Variants in TRDN observed in about 807,000 individuals in gnomAD.
TRDN encodes the protein triadin.
TRDN carries 161 observed loss-of-function variants against 149.7 expected under a neutral mutation model. The ratio of observed to expected loss-of-function variants is 1.08; its 90% CI spans 0.95 to 1.23. The LOEUF is 1.23. Ranked by LOEUF, TRDN falls within the 50% of genes most tolerant of loss-of-function variation. The pLI, the probability that TRDN is intolerant of heterozygous loss-of-function variation, is 0.00. For synonymous variants in TRDN, 294 were observed against 250.5 expected (o/e 1.17, Z -1.64); for missense variants, 896 against 823.5 (o/e 1.09, Z -1.08).
At chr6:123,247,963 A>C (rs1267935884) in intron 38 of TRDN, among the ~76,000 whole-genome samples, 1 of 152,092 alleles carries the variant, frequency 6.6e-6, no homozygotes, top group African/African-American at 2.4e-5. Context: ...CAACCACCTG[A>C]TCTTTGACAG....
intron 21 of TRDN, among the ~76,000 whole-genome samples, chr6:123,342,299 G>T (rs994561120): frequency 1.3e-5 from 2 of 151,848 alleles, no homozygotes; most frequent in African/African-American, 2.4e-5. Flanking sequence ...TTGGGGAGAT[G>T]AGATGAACTA....
intron 19 of TRDN, among the ~76,000 whole-genome samples, chr6:123,374,497 T>C (rs1279163761): frequency 6.6e-6 from 1 of 152,172 alleles, no homozygotes; most frequent in Non-Finnish European, 1.5e-5. Context: ...CATGGAAATA[T>C]AAATGGAATT....
intron 1 of TRDN, among the ~76,000 whole-genome samples, chr6:123,588,169 A>G (rs1783600448): frequency 6.6e-6 from 1 of 152,220 alleles, no homozygotes; most frequent in African/African-American, 2.4e-5. Context: ...AATTCTCTAC[A>G]GAATGTAGAT....
chr6:123,273,295 TC>T (rs1332257954), intron 28 of TRDN, 41 bp downstream of exon 28: 1 of 1,085,948 alleles, frequency 9.2e-7, no homozygotes, highest in Admixed American at 3.7e-5. Flanking sequence ...CAATATTTTT[TC>T]GTAAGAAAGT....
At chr6:123,371,257 T>C (rs1250092357) in intron 19 of TRDN, among the ~76,000 whole-genome samples, 1 of 152,306 alleles carries the variant, frequency 6.6e-6, no homozygotes, top group East Asian at 1.9e-4. Context: ...GAATAAATTA[T>C]ATTTTTGTAT....
At chr6:123,579,876 C>T (rs1482804057) in intron 1 of TRDN, among the ~76,000 whole-genome samples, 1 of 152,160 alleles carries the variant, frequency 6.6e-6, no homozygotes, top group Non-Finnish European at 1.5e-5. Flanking sequence ...CTCCCTCACT[C>T]AGCACTTCTC....
intron 1 of TRDN, among the ~76,000 whole-genome samples, chr6:123,627,531 A>C (rs1785742608): frequency 6.6e-6 from 1 of 152,146 alleles, no homozygotes; most frequent in Non-Finnish European, 1.5e-5. Flanking sequence ...AATTTATTGT[A>C]ATTCTTTAGA....
intron 1 of TRDN, among the ~76,000 whole-genome samples, chr6:123,587,330 TC>T (rs1783547561): frequency 6.6e-5 from 10 of 152,096 alleles, no homozygotes; most frequent in Admixed American, 6.5e-4. Flanking sequence ...AAAACGTGTC[TC>T]CTTTGTCTCT....
intron 4 of TRDN, among the ~76,000 whole-genome samples, chr6:123,539,591 A>T (rs1780724810): frequency 6.6e-6 from 1 of 152,206 alleles, no homozygotes; most frequent in African/African-American, 2.4e-5. Flanking sequence ...TGTTGCATTC[A>T]TTCAAGCTTA....
intron 1 of TRDN, among the ~76,000 whole-genome samples, chr6:123,582,251 AAAGTT>A: frequency 6.6e-6 from 1 of 152,250 alleles, no homozygotes; most frequent in Admixed American, 6.5e-5. Context: ...GCTGGTTGAA[AAAGTT>A]AAGTAAGAGT....
chr6:123,384,789 G>C (rs898860795), intron 14 of TRDN, among the ~76,000 whole-genome samples: 13 of 152,108 alleles, frequency 8.5e-5, no homozygotes, highest in African/African-American at 3.1e-4. Flanking sequence ...CAGAAATGTA[G>C]AACTAAAGTA....
chr6:123,405,344 T>C (rs941907759), intron 12 of TRDN, among the ~76,000 whole-genome samples: 6 of 152,252 alleles, frequency 3.9e-5, no homozygotes, highest in African/African-American at 7.2e-5. Flanking sequence ...AACTGAAATC[T>C]ACTTTTACAG....
chr6:123,442,693 A>G (rs943065467), intron 10 of TRDN, among the ~76,000 whole-genome samples: 1 of 152,208 alleles, frequency 6.6e-6, no homozygotes, highest in African/African-American at 2.4e-5. Context: ...ACAAATAATA[A>G]AAATCTGACC....
chr6:123,397,813 TAGG>T (rs1234422031), intron 12 of TRDN, among the ~76,000 whole-genome samples: 1 of 152,176 alleles, frequency 6.6e-6, no homozygotes, highest in African/African-American at 2.4e-5. Context: ...GTTAAAAGAA[TAGG>T]AGGAGAAACA....
intron 12 of TRDN, among the ~76,000 whole-genome samples, chr6:123,429,803 C>A (rs1325100996): frequency 6.6e-6 from 1 of 151,976 alleles, no homozygotes; most frequent in Admixed American, 6.6e-5. Context: ...ATAATTTATC[C>A]TATTAATAAA....
chr6:123,278,762 C>G (rs764099376), intron 25 of TRDN, among the ~76,000 whole-genome samples: 2 of 152,130 alleles, frequency 1.3e-5, no homozygotes, highest in African/African-American at 4.8e-5. Context: ...GAGTGAGACT[C>G]TGTCTCAAAA....
intron 4 of TRDN, among the ~76,000 whole-genome samples, chr6:123,535,533 C>T (rs984304712): frequency 6.6e-6 from 1 of 152,092 alleles, no homozygotes; most frequent in Non-Finnish European, 1.5e-5. Flanking sequence ...CCAAAGAAAA[C>T]ATTATCATAC....
At chr6:123,584,377 G>A (rs998181104) in intron 1 of TRDN, among the ~76,000 whole-genome samples, 13 of 112,662 alleles carry the variant, frequency 1.2e-4, no homozygotes, top group Admixed American at 5.8e-4. Flanking sequence ...GGCAGCAGCC[G>A]CTGCACGGAG....
chr6:123,456,537 C>T (rs1027794611), intron 10 of TRDN, among the ~76,000 whole-genome samples: 4 of 151,466 alleles, frequency 2.6e-5, no homozygotes, highest in African/African-American at 9.7e-5. Flanking sequence ...CGTGGGATCT[C>T]GGCTCACTGC....
Sources: allele counts gnomAD v4.1 joint callset (sites outside exome capture counted in the v4.1 genomes callset), GRCh38; gene constraint gnomAD v4.1.1; transcripts MANE v1.5; gene names NCBI Gene and HGNC (gene_info 2026-07-23, HGNC 2026-07-21).